Variants in GAPDHS observed in about 807,000 individuals in gnomAD.
GAPDHS encodes the protein glyceraldehyde-3-phosphate dehydrogenase, testis-specific.
In GAPDHS, 42 loss-of-function variants were observed where a neutral mutation model predicts 48.7. The ratio of observed to expected loss-of-function variants is 0.86; its 90% CI spans 0.67 to 1.12. GAPDHS has a LOEUF of 1.12. Ranked by LOEUF, GAPDHS falls within the 50% of genes most tolerant of loss-of-function variation. The pLI is 0.00. For synonymous variants in GAPDHS, 166 were observed against 219.1 expected, an observed-to-expected ratio of 0.76 and a Z score of 2.14; for missense variants, 512 against 557.7, an observed-to-expected ratio of 0.92 and a Z score of 0.82.
intron 4 of GAPDHS, among the ~76,000 whole-genome samples, chr19:35,539,540 T>C (rs2071487739): frequency 6.6e-6 from 1 of 152,056 alleles, no homozygotes; most frequent in Non-Finnish European, 1.5e-5. Flanking sequence ...CTGGGGCTTT[T>C]ACACATACAC....
chr19:35,545,213 A>G lies in GAPDHS; in HGVS notation c.*43A>G, dbSNP rs1277183591. ...TTTCCTTCCCAGGGGCCGGGGCCGG[A>G]ACATGTGCCTCCCGTTCCAGCATCT... On this transcript the variant is annotated 3_prime_UTR_variant, in exon 11 of 11. Coordinates refer to ENST00000222286, the MANE Select transcript of GAPDHS (RefSeq NM_014364.5). 6.6e-7 allele frequency: 1 copy of G among 1,519,808 alleles called. No individual in the cohort carries two copies. 94.1% of individuals were successfully genotyped at this position (1,519,808 alleles called of 1,614,324 possible). A position where few individuals can be genotyped will look rare whatever the true frequency, so the allele number is the denominator to read the frequency against.
chr19:35,535,794 G>A (rs2071462278), intron 1 of GAPDHS, among the ~76,000 whole-genome samples: 1 of 142,182 alleles, frequency 7.0e-6, no homozygotes, highest in Non-Finnish European at 1.5e-5. Context: ...TTTTGAGACA[G>A]AGTCTCACTC....
In GAPDHS at chr19:35,543,090, C is replaced by T. The variant is rs577291816; in HGVS notation, c.741+64C>T. 153 of 1,286,212 alleles carry T rather than the reference C, an allele frequency of 1.2e-4. No homozygotes were observed. The African/African-American group carries it at 2.0e-3, about 17-fold the overall frequency. The allele number at this position is 1,286,212 out of a possible 1,614,324, so 79.7% of individuals were successfully genotyped here. On this transcript the variant is annotated intron_variant, in intron 7 of 10. Coordinates refer to ENST00000222286, the MANE Select transcript of GAPDHS (RefSeq NM_014364.5). ...AGGGAAACCCAACTTCTTCCCGGGC[C>T]TTGCTTACTGTATGGAGTTAAGAGG...
In GAPDHS at chr19:35,545,299, A is replaced by G. The variant is rs775247019; in HGVS notation, c.*129A>G. 1.3e-6 allele frequency: 1 copy of G among 773,912 alleles called. No homozygotes were observed. The highest frequency in any genetic ancestry group is 1.4e-5 in the South Asian group (1 of 70,150). The allele number at this position is 773,912 out of a possible 1,614,324, so 47.9% of individuals were successfully genotyped here. ...GCCCCACGCCGATGGGTCCATGGTG[A>G]AATAAAAAACAGTGCTCACGGCTGC... On this transcript the variant is annotated 3_prime_UTR_variant, in exon 11 of 11. Transcript: ENST00000222286.
At chr19:35,541,982 G>A (rs73046807) in intron 4 of GAPDHS, 46,560 of 312,500 alleles carry the variant, frequency 0.15, 3,845 homozygotes, top group Non-Finnish European at 0.17. Context: ...TCCACGTCCC[G>A]GGCAGCATAT....
At chr19:35,534,195 A>G (rs1373973510) in intron 1 of GAPDHS, among the ~76,000 whole-genome samples, 70 of 147,644 alleles carry the variant, frequency 4.7e-4, no homozygotes, top group African/African-American at 6.4e-4. Context: ...GCGCGCGCGC[A>G]CACACACACA....
At chr19:35,533,670 C>G (rs112465476) in intron 1 of GAPDHS, 76 bp downstream of exon 1, 1 of 1,124,386 alleles carries the variant, frequency 8.9e-7, no homozygotes, top group African/African-American at 1.5e-5. Context: ...ACACCTGTGC[C>G]GTATCCCTAC....
At chr19:35,537,135 A>G in intron 2 of GAPDHS, 145 bp downstream of exon 2, 1 of 638,240 alleles carries the variant, frequency 1.6e-6, no homozygotes, top group Non-Finnish European at 2.7e-6. Context: ...CAAGGCAGAC[A>G]GGGCCCCATG....
At chr19:35,534,209 A>ACACT (rs879633421) in intron 1 of GAPDHS, among the ~76,000 whole-genome samples, 8 of 151,978 alleles carry the variant, frequency 5.3e-5, no homozygotes, top group Non-Finnish European at 1.0e-4. Flanking sequence ...ACACACACAC[A>ACACT]CACTCACTCA....
At position 35,543,335 on chromosome 19, in the gene GAPDHS, C is replaced by T; in HGVS notation, c.742-5C>T. 1.2e-6 allele frequency: 2 copies of T among 1,610,504 alleles called. No homozygotes were observed. Among genetic ancestry groups the T allele is most frequent in the Non-Finnish European group, 8.5e-7 (1 of 1,179,026 alleles). ...GGCCTCATCTTGGTCCTTCTCTTCC[C>T]CAAGACCACAGTCCATTCCTACACG... On this transcript the variant is annotated splice_polypyrimidine_tract_variant and splice_region_variant and intron_variant, in intron 7 of 10. Coordinates refer to ENST00000222286, the MANE Select transcript of GAPDHS (RefSeq NM_014364.5).
intron 9 of GAPDHS, chr19:35,544,662 G>A: frequency 1.8e-6 from 1 of 546,524 alleles, no homozygotes; most frequent in Non-Finnish European, 3.3e-6. Context: ...TTATTCCTAG[G>A]AAAGGGATGT....
At chr19:35,535,807 T>C (rs1338448330) in intron 1 of GAPDHS, among the ~76,000 whole-genome samples, 3 of 150,508 alleles carry the variant, frequency 2.0e-5, no homozygotes, top group Non-Finnish European at 3.0e-5. Context: ...TCTCACTCTG[T>C]CGCCCAGGCT....
intron 2 of GAPDHS, among the ~76,000 whole-genome samples, chr19:35,538,055 G>A (rs563456066): frequency 3.3e-5 from 5 of 150,184 alleles, no homozygotes; most frequent in Admixed American, 6.7e-5. Context: ...CAGCCTGGGC[G>A]AAAGAGCTGG....
Position 35,536,999 on chromosome 19 carries a change from A to G in GAPDHS, c.245+9A>G. ...ACTGTGGGCATCAATGGGTGAGTCT[A>G]CTCCAGCCCCTGATCAGTCTGAAGC... On this transcript the variant is annotated intron_variant, in intron 2 of 10. Coordinates refer to ENST00000222286, the MANE Select transcript of GAPDHS (RefSeq NM_014364.5). The G allele has an allele frequency of 6.2e-7, 1 of 1,609,588 alleles. No individual in the cohort carries two copies. Among genetic ancestry groups the G allele is most frequent in the South Asian group, 1.1e-5 (1 of 90,472 alleles).
chr19:35,543,862 C>T, intron 9 of GAPDHS, 35 bp downstream of exon 9: 2 of 1,550,082 alleles, frequency 1.3e-6, no homozygotes, highest in Non-Finnish European at 1.7e-6. Context: ...TGGGAGGAGC[C>T]CTCTGGGAAG....
chr19:35,534,121 C>T (rs972045176), intron 1 of GAPDHS, among the ~76,000 whole-genome samples: 3 of 152,192 alleles, frequency 2.0e-5, no homozygotes, highest in African/African-American at 7.2e-5. Flanking sequence ...GTTTACAGAG[C>T]GGCCAACAGA....
chr19:35,539,225 G>T (rs1007002285), intron 4 of GAPDHS, among the ~76,000 whole-genome samples: 1 of 152,130 alleles, frequency 6.6e-6, no homozygotes, highest in Non-Finnish European at 1.5e-5. Context: ...TTTTCTCGTG[G>T]GCATATCAAC....
intron 4 of GAPDHS, among the ~76,000 whole-genome samples, chr19:35,539,310 A>C (rs542367090): frequency 6.6e-6 from 1 of 152,200 alleles, no homozygotes; most frequent in Non-Finnish European, 1.5e-5. Context: ...CTGGTCAACT[A>C]TGCCTGAATT....
rs190138543 is a variant in GAPDHS at position 35,539,994 on chromosome 19, C to T, written c.449+1311C>T. Among the ~76,000 whole-genome samples the T allele has an allele frequency of 5.9e-4, 90 of 152,338 alleles. No homozygotes were observed. In the Middle Eastern group the frequency reaches 0.017, roughly 29 times the overall value. ...CCCTCCAGCCCCCTCTCCATCCCCG[C>T]ACTGTTGGGCTGCACAAGCCAGGCT... On this transcript the variant is annotated intron_variant, in intron 4 of 10. Transcript: ENST00000222286.
Sources: gnomAD v4.1 joint callset for allele counts (sites outside exome capture counted in the v4.1 genomes callset) on GRCh38, gnomAD v4.1.1 for gene constraint, MANE v1.5 for transcripts, NCBI Gene and HGNC (gene_info 2026-07-23, HGNC 2026-07-21) for gene names.